KLHL8: variants seen among roughly 807,000 people sequenced by gnomAD.
The protein encoded by KLHL8 is kelch-like protein 8.
KLHL8 carries 38 observed loss-of-function variants against 63.5 expected under a neutral mutation model. That is an observed-to-expected ratio of 0.60 (90% CI 0.46 to 0.78). The LOEUF (loss-of-function observed/expected upper bound fraction) is 0.78, where lower values mean the gene tolerates loss of function less well. KLHL8 is among the 30% of genes least tolerant of loss of function. KLHL8 has a pLI of 0.00. For synonymous variants in KLHL8, 224 were observed against 254.3 expected (o/e 0.88, Z 1.13); for missense variants, 566 against 752.4 (o/e 0.75, Z 2.90).
At chr4:87,186,022 A>G (rs1450299191) in intron 2 of KLHL8, among the ~76,000 whole-genome samples, 1 of 151,932 alleles carries the variant, frequency 6.6e-6, no homozygotes, top group African/African-American at 2.4e-5. Context: ...ATATATATAC[A>G]CATACTTTAA....
chr4:87,170,426 A>G, intron 7 of KLHL8, 21 bp downstream of exon 7: 1 of 1,579,586 alleles, frequency 6.3e-7, no homozygotes, highest in South Asian at 1.2e-5. Context: ...TAATTTAATG[A>G]CAAGTTGCCA....
At chr4:87,205,758 C>T (rs1732102677) in intron 1 of KLHL8, among the ~76,000 whole-genome samples, 1 of 152,076 alleles carries the variant, frequency 6.6e-6, no homozygotes, top group Non-Finnish European at 1.5e-5. Flanking sequence ...GCCACTGCAC[C>T]CAGGAGTCTT....
At chr4:87,164,786 A>G (rs1271678752) in intron 8 of KLHL8, among the ~76,000 whole-genome samples, 2 of 152,168 alleles carry the variant, frequency 1.3e-5, no homozygotes, top group African/African-American at 4.8e-5. Flanking sequence ...TGAATATAAT[A>G]GCTTTCTTTG....
At chr4:87,207,890 C>T in intron 1 of KLHL8, 2 of 1,520,634 alleles carry the variant, frequency 1.3e-6, no homozygotes, top group Non-Finnish European at 1.8e-6. Context: ...TCGGAGGGCC[C>T]CCTCAAGGGC....
At chr4:87,222,122 G>A (rs1284638685), upstream of KLHL8, among the ~76,000 whole-genome samples, 1 of 152,096 alleles carries the variant, frequency 6.6e-6, no homozygotes, top group African/African-American at 2.4e-5. Flanking sequence ...CTAGAAACTA[G>A]ACCTGCCAAA....
At chr4:87,177,234 G>A (rs1034818333) in intron 5 of KLHL8, among the ~76,000 whole-genome samples, 1 of 152,066 alleles carries the variant, frequency 6.6e-6, no homozygotes, top group Non-Finnish European at 1.5e-5. Flanking sequence ...AAAACTGGTG[G>A]CTGGGCATGG....
chr4:87,232,488 C>T (rs1026669781), intron 1 of KLHL8, among the ~76,000 whole-genome samples: 1 of 152,196 alleles, frequency 6.6e-6, no homozygotes, highest in Non-Finnish European at 1.5e-5. Context: ...CTGCTATGGA[C>T]ACTCGTGTAT....
Position 87,195,546 on chromosome 4 carries a change from T to C in KLHL8, c.-7A>G. On this transcript the variant is annotated 5_prime_UTR_variant, in exon 2 of 10. It adds an upstream start codon to the 5' untranslated region. Transcript: ENST00000273963. ...TCATAGAATCTGAAGCCATTTGCAA[T>C]ATTCCTCTTTTAATAGAGCTCTCTT... 1 of 1,608,058 alleles carries C rather than the reference T, an allele frequency of 6.2e-7. No homozygotes were observed. Among genetic ancestry groups the C allele is most frequent in the Non-Finnish European group, 8.5e-7 (1 of 1,176,116 alleles).
chr4:87,182,251 ATTAC>A (rs1223799469), intron 4 of KLHL8, among the ~76,000 whole-genome samples: 3 of 150,540 alleles, frequency 2.0e-5, no homozygotes, highest in South Asian at 2.1e-4. Context: ...AAAAAAAAAA[ATTAC>A]TTACTTACAT....
chr4:87,192,371 TGA>T (rs1190077051), intron 2 of KLHL8, among the ~76,000 whole-genome samples: 1 of 152,218 alleles, frequency 6.6e-6, no homozygotes, highest in Non-Finnish European at 1.5e-5. Context: ...CTGGTGATGA[TGA>T]GTTATTTTTT....
intron 1 of KLHL8, among the ~76,000 whole-genome samples, chr4:87,239,079 T>A (rs373069028): frequency 6.6e-5 from 10 of 152,220 alleles, no homozygotes; most frequent in African/African-American, 2.4e-4. Context: ...TTCAATACAA[T>A]ATATACCTTT....
intron 8 of KLHL8, among the ~76,000 whole-genome samples, chr4:87,165,025 T>C (rs1293672090): frequency 6.6e-6 from 1 of 151,690 alleles, no homozygotes; most frequent in Non-Finnish European, 1.5e-5. Context: ...GGCGGGCGCC[T>C]GTAGTCCCAG....
chr4:87,223,786 C>G (rs549013412), upstream of KLHL8, among the ~76,000 whole-genome samples: 1 of 152,254 alleles, frequency 6.6e-6, no homozygotes, highest in South Asian at 2.1e-4. Context: ...AAAATATATA[C>G]AGTATCTTAC....
At chr4:87,184,606 T>C (rs1306752864) in intron 3 of KLHL8, among the ~76,000 whole-genome samples, 1 of 148,198 alleles carries the variant, frequency 6.7e-6, no homozygotes, top group Non-Finnish European at 1.5e-5. Context: ...CAGGAATAAA[T>C]GAAGAAAGGA....
rs1173422253 is a variant in KLHL8, at chr4:87,205,376, CACCCGGGGTG to C, written c.-151-9696_-151-9687del. 2.0e-5 allele frequency among the ~76,000 whole-genome samples: 3 copies of C among 151,864 alleles called. No homozygotes were observed. In the East Asian group the frequency reaches 5.8e-4, roughly 30 times the overall value. ...GAGCTGTGATCATGCCTCTGCACTC[CACCCGGGGTG>C]ACAGAGTAAGATTCTGACTCAAGAA... On this transcript the variant is annotated intron_variant, in intron 1 of 9. Transcript: ENST00000273963.
intron 1 of KLHL8, among the ~76,000 whole-genome samples, chr4:87,230,965 G>A (rs1733126100): frequency 6.6e-6 from 1 of 152,194 alleles, no homozygotes; most frequent in Non-Finnish European, 1.5e-5. Flanking sequence ...CATACAAGTG[G>A]AATGTGGACT....
chr4:87,234,978 A>G (rs1019007831), intron 1 of KLHL8, among the ~76,000 whole-genome samples: 7 of 152,340 alleles, frequency 4.6e-5, no homozygotes, highest in African/African-American at 1.7e-4. Context: ...ACAAAGAAAG[A>G]AAATATTTTT....
chr4:87,164,733 T>C (rs1035683514), intron 8 of KLHL8, among the ~76,000 whole-genome samples: 1 of 152,226 alleles, frequency 6.6e-6, no homozygotes, highest in Non-Finnish European at 1.5e-5. Flanking sequence ...ACAGTGCTCC[T>C]TCCTTTAAAA....
intron 1 of KLHL8, among the ~76,000 whole-genome samples, chr4:87,209,856 T>G (rs778435008): frequency 0.032 from 4,837 of 149,088 alleles, 120 homozygotes; most frequent in Non-Finnish European, 0.047. Flanking sequence ...GGGTTTTTTT[T>G]TTTTTTTTTT....
Sources: gnomAD v4.1 joint callset for allele counts (sites outside exome capture counted in the v4.1 genomes callset) on GRCh38, gnomAD v4.1.1 for gene constraint, MANE v1.5 for transcripts, NCBI Gene and HGNC (gene_info 2026-07-23, HGNC 2026-07-21) for gene names.